NUP210L: variants seen among roughly 807,000 people sequenced by gnomAD.
NUP210L encodes nuclear pore membrane glycoprotein 210-like.
In NUP210L, 74 loss-of-function variants were observed where a neutral mutation model predicts 208.5. That is an observed-to-expected ratio of 0.35 (90% CI 0.29 to 0.43). The LOEUF is 0.43. NUP210L is among the 20% of genes least tolerant of loss of function. NUP210L has a pLI of 1.00. For synonymous variants in NUP210L, 780 were observed against 816.9 expected (o/e 0.95, Z 0.77); for missense variants, 1,843 against 2,289.4 (o/e 0.81, Z 3.98).
At chr1:154,053,634 G>C (rs1016753195) in intron 25 of NUP210L, among the ~76,000 whole-genome samples, 1 of 152,242 alleles carries the variant, frequency 6.6e-6, no homozygotes, top group African/African-American at 2.4e-5. Flanking sequence ...TGAGCAATCT[G>C]TGCCTTAAGG....
chr1:154,028,448 A>G (rs1208327601), intron 28 of NUP210L, among the ~76,000 whole-genome samples: 2 of 152,104 alleles, frequency 1.3e-5, no homozygotes, highest in South Asian at 2.1e-4. Flanking sequence ...GTAGCCAGGC[A>G]TGGTGGCGCA....
chr1:154,059,692 C>A (rs185009855), intron 20 of NUP210L, among the ~76,000 whole-genome samples: 1 of 152,018 alleles, frequency 6.6e-6, no homozygotes, highest in Non-Finnish European at 1.5e-5. Flanking sequence ...TTTTTTCTTT[C>A]TTTGTGCTAC....
intron 29 of NUP210L, among the ~76,000 whole-genome samples, chr1:154,027,179 C>G (rs764795319): frequency 6.6e-6 from 1 of 151,418 alleles, no homozygotes; most frequent in Non-Finnish European, 1.5e-5. Flanking sequence ...TAGCTAATAC[C>G]GTACACAGAA....
chr1:154,036,283 T>G (rs1229803051), intron 27 of NUP210L, among the ~76,000 whole-genome samples: 1 of 149,674 alleles, frequency 6.7e-6, no homozygotes, highest in Non-Finnish European at 1.5e-5. Flanking sequence ...ATTAAAAAAT[T>G]TATTTATTTA....
chr1:154,111,243 C>T (rs898246674), intron 12 of NUP210L, among the ~76,000 whole-genome samples: 7 of 151,054 alleles, frequency 4.6e-5, no homozygotes, highest in African/African-American at 1.7e-4. Flanking sequence ...ATTAGCCAGG[C>T]GTGGTAGCAG....
At chr1:154,085,104 T>C (rs1348765943) in intron 16 of NUP210L, among the ~76,000 whole-genome samples, 1 of 143,540 alleles carries the variant, frequency 7.0e-6, no homozygotes, top group African/African-American at 2.5e-5. Flanking sequence ...TCCCAGCACT[T>C]TGGGAGGCTG....
chr1:154,012,359 A>T, exon 34 of NUP210L: 2 of 1,612,970 alleles, frequency 1.2e-6, no homozygotes, highest in Non-Finnish European at 1.7e-6. Flanking sequence ...TTGATGATGC[A>T]TTGACCACCA....
chr1:154,149,087 C>CTT (rs770217261), intron 2 of NUP210L, among the ~76,000 whole-genome samples: 17 of 119,338 alleles, frequency 1.4e-4, no homozygotes, highest in East Asian at 8.0e-4. Flanking sequence ...GAAAACTTCT[C>CTT]TTTTTTTTTT....
chr1:154,087,160 A>G (rs1301710822), intron 16 of NUP210L, among the ~76,000 whole-genome samples: 1 of 152,096 alleles, frequency 6.6e-6, no homozygotes, highest in African/African-American at 2.4e-5. Context: ...TTTCTACTAA[A>G]AGCACAAAAA....
chr1:154,064,337 A>C (rs973424872), intron 17 of NUP210L, among the ~76,000 whole-genome samples: 2 of 152,078 alleles, frequency 1.3e-5, no homozygotes, highest in Non-Finnish European at 2.9e-5. Context: ...GACATCAGCA[A>C]ATATGACACA....
chr1:154,091,113 T>A (rs12756610), intron 15 of NUP210L, among the ~76,000 whole-genome samples: 11 of 114,784 alleles, frequency 9.6e-5, no homozygotes, highest in South Asian at 2.6e-4. Context: ...TATTATTATT[T>A]GAGAAAAAGT....
At chr1:154,058,873 C>T (rs745516616) in intron 20 of NUP210L, among the ~76,000 whole-genome samples, 180 bp from the exon 21 acceptor site, 7 of 152,246 alleles carry the variant, frequency 4.6e-5, no homozygotes, top group Middle Eastern at 3.4e-3. Context: ...GTGATGTTTC[C>T]GATTATGGCA....
chr1:154,100,913 CTA>C (rs1242974673), intron 13 of NUP210L, among the ~76,000 whole-genome samples: 1 of 151,926 alleles, frequency 6.6e-6, no homozygotes, highest in Non-Finnish European at 1.5e-5. Flanking sequence ...TGGCTCATGC[CTA>C]TAATCCCAAC....
exon 36 of NUP210L, chr1:154,001,909 T>G: frequency 6.2e-7 from 1 of 1,614,120 alleles, no homozygotes. Context: ...ACCCATAGAC[T>G]GAGGTGTCAG....
exon 11 of NUP210L, chr1:154,118,683 A>G: frequency 6.3e-7 from 1 of 1,592,960 alleles, no homozygotes; most frequent in South Asian, 1.2e-5. Flanking sequence ...GTACTTTATA[A>G]CGATATAACA....
intron 27 of NUP210L, among the ~76,000 whole-genome samples, chr1:154,032,984 AAAAGAAAAG>A (rs1215355800): frequency 2.0e-5 from 3 of 147,150 alleles, no homozygotes; most frequent in Non-Finnish European, 3.0e-5. Context: ...AAAAGAAAAG[AAAAGAAAAG>A]AAAGAAAGAA....
At chr1:154,074,486 C>T (rs1413621240) in intron 16 of NUP210L, among the ~76,000 whole-genome samples, 4 of 146,158 alleles carry the variant, frequency 2.7e-5, no homozygotes, top group African/African-American at 7.4e-5. Context: ...TATGGGATCA[C>T]GATTTTTTTT....
chr1:154,065,892 C>CAAAAAAAAAAAAAAAAAAAAA (rs58053478), intron 17 of NUP210L, among the ~76,000 whole-genome samples: 1 of 61,112 alleles, frequency 1.6e-5, no homozygotes, highest in Non-Finnish European at 2.9e-5. Flanking sequence ...GACTCTGTCT[C>CAAAAAAAAAAAAAAAAAAAAA]AAAAAAAAAA....
chr1:154,028,076 T>C (rs1301655682), intron 28 of NUP210L, among the ~76,000 whole-genome samples: 1 of 149,990 alleles, frequency 6.7e-6, no homozygotes, highest in Non-Finnish European at 1.5e-5. Context: ...AAAGCCAAAA[T>C]AAAGGAAAAA....
Sources: gnomAD v4.1 joint callset for allele counts (sites outside exome capture counted in the v4.1 genomes callset) on GRCh38, gnomAD v4.1.1 for gene constraint, MANE v1.5 for transcripts, NCBI Gene and HGNC (gene_info 2026-07-23, HGNC 2026-07-21) for gene names.